The following NEXMIF variants were observed in gnomAD, a reference collection of about 807,000 sequenced individuals.
NEXMIF encodes the protein neurite extension and migration factor.
NEXMIF carries 8 observed loss-of-function variants against 62.1 expected under a neutral mutation model. That is an observed-to-expected ratio of 0.13 (90% CI 0.08 to 0.23). The LOEUF (loss-of-function observed/expected upper bound fraction) is 0.23, where lower values mean the gene tolerates loss of function less well. NEXMIF is among the 10% of genes least tolerant of loss of function. The pLI is 1.00. For synonymous variants in NEXMIF, 404 were observed against 416.6 expected (o/e 0.97, Z 0.37); for missense variants, 976 against 1,113.3 (o/e 0.88, Z 1.75).
At chrX:74,878,849 C>T (rs990517851) in intron 1 of NEXMIF, among the ~76,000 whole-genome samples, 2 of 112,253 alleles carry the variant, frequency 1.8e-5, no homozygotes, top group African/African-American at 3.2e-5. Context: ...TGCTTCAGCT[C>T]GCGCATGGTG....
Position 74,734,371 on chromosome X carries a change from A to G in NEXMIF, c.*5034T>C, listed in dbSNP as rs2080080013. The G allele has an allele frequency of 8.9e-6, 1 of 112,350 alleles. No individual in the cohort carries two copies. Among genetic ancestry groups the G allele is most frequent in the Non-Finnish European group, 1.9e-5 (1 of 53,203 alleles). 9.3% of individuals were successfully genotyped at this position (112,350 alleles called of 1,213,427 possible). ...GGCAGCAAACTCCAGTCAGTGCTAC[A>G]GGTAGCCCAGTAGAGCATCTTAAGA... On this transcript the variant is annotated 3_prime_UTR_variant, in exon 4 of 4. Coordinates refer to ENST00000055682, the MANE Select transcript of NEXMIF (RefSeq NM_001008537.3).
At chrX:74,880,862 C>T (rs1308733043) in intron 1 of NEXMIF, among the ~76,000 whole-genome samples, 1 of 111,937 alleles carries the variant, frequency 8.9e-6, no homozygotes, top group East Asian at 2.8e-4. Context: ...AGATCCCTCA[C>T]ATTCCCAACA....
intron 1 of NEXMIF, among the ~76,000 whole-genome samples, chrX:74,901,727 C>A (rs2080750229): frequency 9.0e-6 from 1 of 111,460 alleles, no homozygotes; most frequent in Admixed American, 9.6e-5. Flanking sequence ...TCCCTTCTCC[C>A]AGCTATGATA....
chrX:74,884,083 G>A (rs974091745), intron 1 of NEXMIF, among the ~76,000 whole-genome samples: 19 of 111,731 alleles, frequency 1.7e-4, no homozygotes, highest in African/African-American at 5.9e-4. Context: ...ATTCTTTACA[G>A]ACAAGCAAAT....
chrX:74,808,485 A>T (rs2080351525), intron 1 of NEXMIF, among the ~76,000 whole-genome samples: 1 of 111,919 alleles, frequency 8.9e-6, no homozygotes, highest in Admixed American at 9.5e-5. Context: ...TTTACTGAGG[A>T]TTTCTACATC....
At chrX:74,772,753 A>G (rs1474581358) in intron 1 of NEXMIF, among the ~76,000 whole-genome samples, 1 of 112,270 alleles carries the variant, frequency 8.9e-6, no homozygotes, top group Non-Finnish European at 1.9e-5. Flanking sequence ...AAAATATATT[A>G]GTCATTAAGG....
chrX:74,819,893 T>C (rs189541652), intron 1 of NEXMIF, among the ~76,000 whole-genome samples: 1 of 111,914 alleles, frequency 8.9e-6, no homozygotes, highest in African/African-American at 3.2e-5. Context: ...CACACATATG[T>C]TTATTGCGGC....
chrX:74,868,012 A>C (rs2080586457), intron 1 of NEXMIF, among the ~76,000 whole-genome samples: 1 of 112,298 alleles, frequency 8.9e-6, no homozygotes. Flanking sequence ...CATGGCCAAG[A>C]GACATGAAAA....
rs1228731189 is a variant in NEXMIF at position 74,790,492 on chromosome X, G to GT, written c.-47-44796dup. On this transcript the variant is annotated intron_variant, in intron 1 of 3. Coordinates refer to ENST00000055682, the MANE Select transcript of NEXMIF (RefSeq NM_001008537.3). The stretch of plus-strand genomic sequence containing the variant: ...TTGGTTCCATATGAACTTTAAAGTA[G>GT]TTTTTTCCAATTCTGTGAAGAAAGT... Among the ~76,000 whole-genome samples, 4 of 110,721 alleles carry GT rather than the reference G, an allele frequency of 3.6e-5. No individual in the cohort carries two copies. In the East Asian group the frequency reaches 8.5e-4, roughly 23 times the overall value.
At chrX:74,893,327 A>G (rs964869498) in intron 1 of NEXMIF, among the ~76,000 whole-genome samples, 1 of 112,243 alleles carries the variant, frequency 8.9e-6, no homozygotes, top group Non-Finnish European at 1.9e-5. Context: ...TTTACTGTCT[A>G]TCTTTGCCAC....
intron 1 of NEXMIF, among the ~76,000 whole-genome samples, chrX:74,904,187 T>G (rs1479168338): frequency 2.7e-5 from 3 of 110,572 alleles, no homozygotes; most frequent in African/African-American, 9.9e-5. Flanking sequence ...TATATTAGAG[T>G]GACCCTTGGT....
intron 1 of NEXMIF, among the ~76,000 whole-genome samples, chrX:74,794,931 G>A (rs1030858852): frequency 2.7e-5 from 3 of 111,836 alleles, no homozygotes; most frequent in African/African-American, 6.5e-5. Context: ...AGAAATCACC[G>A]TCTTCTGTGT....
chrX:74,836,606 G>A (rs573137901), intron 1 of NEXMIF, among the ~76,000 whole-genome samples: 4 of 110,836 alleles, frequency 3.6e-5, no homozygotes, highest in African/African-American at 1.3e-4. Flanking sequence ...TGGAATAAGG[G>A]CCTCACGACT....
At chrX:74,830,197 T>C (rs2080431595) in intron 1 of NEXMIF, among the ~76,000 whole-genome samples, 1 of 112,073 alleles carries the variant, frequency 8.9e-6, no homozygotes, top group African/African-American at 3.2e-5. Flanking sequence ...AAGATTTAAG[T>C]CTTTAATCCA....
At chrX:74,786,582 G>C in intron 1 of NEXMIF, among the ~76,000 whole-genome samples, 1 of 111,174 alleles carries the variant, frequency 9.0e-6, no homozygotes, top group Admixed American at 9.6e-5. Flanking sequence ...TCATTAAAAA[G>C]TTCCAGTTTT....
intron 1 of NEXMIF, among the ~76,000 whole-genome samples, chrX:74,867,955 T>C (rs1367692368): frequency 9.0e-6 from 1 of 111,200 alleles, no homozygotes; most frequent in Non-Finnish European, 1.9e-5. Context: ...AAAATCCCGT[T>C]AAAAAGTGGG....
intron 1 of NEXMIF, among the ~76,000 whole-genome samples, chrX:74,774,254 T>C (rs1441387291): frequency 9.0e-6 from 1 of 111,718 alleles, no homozygotes; most frequent in African/African-American, 3.3e-5. Flanking sequence ...ATAATTATCA[T>C]CTTGATTTAC....
intron 1 of NEXMIF, among the ~76,000 whole-genome samples, chrX:74,873,555 G>A (rs2080613541): frequency 8.9e-6 from 1 of 111,767 alleles, no homozygotes; most frequent in African/African-American, 3.3e-5. Context: ...AGATCCCTGA[G>A]GAAACACCAC....
intron 1 of NEXMIF, among the ~76,000 whole-genome samples, chrX:74,866,497 T>C (rs1480202461): frequency 1.8e-5 from 2 of 111,847 alleles, no homozygotes; most frequent in African/African-American, 6.5e-5. Context: ...AGTTAAGACT[T>C]TGGGGGACTG....
Sources: gnomAD v4.1 joint callset for allele counts (sites outside exome capture counted in the v4.1 genomes callset) on GRCh38, gnomAD v4.1.1 for gene constraint, MANE v1.5 for transcripts, NCBI Gene and HGNC (gene_info 2026-07-23, HGNC 2026-07-21) for gene names.